The following ELOVL7 variants were observed in gnomAD, a reference collection of about 807,000 sequenced individuals.
The protein encoded by ELOVL7 is very long chain fatty acid elongase 7.
Under a neutral mutation model 35.7 loss-of-function variants are expected in ELOVL7, and 27 were observed. The observed-to-expected ratio is 0.76, with a 90% CI of 0.56 to 1.04. ELOVL7 has a LOEUF of 1.04. Among genes scored for constraint, ELOVL7 ranks in the 50% least tolerant of loss-of-function variants. The pLI is 0.00. For synonymous variants in ELOVL7, 113 were observed against 114.6 expected (o/e 0.99, Z 0.09); for missense variants, 327 against 340.8 (o/e 0.96, Z 0.32).
At chr5:60,829,837 G>T (rs750886057) in intron 1 of ELOVL7, among the ~76,000 whole-genome samples, 3 of 152,156 alleles carry the variant, frequency 2.0e-5, no homozygotes, top group Non-Finnish European at 4.4e-5. Context: ...GCTTAGGCAA[G>T]GTTCATGAGT....
chr5:60,789,871 C>T (rs1303405318), intron 2 of ELOVL7, among the ~76,000 whole-genome samples: 1 of 152,214 alleles, frequency 6.6e-6, no homozygotes, highest in African/African-American at 2.4e-5. Context: ...GGCGCAGTGG[C>T]TCACGTCTGT....
At chr5:60,787,309 T>C in intron 3 of ELOVL7, 25 bp downstream of exon 3, 1 of 1,557,540 alleles carries the variant, frequency 6.4e-7, no homozygotes, top group Non-Finnish European at 8.7e-7. Flanking sequence ...AGGATGAACC[T>C]CAATTAGGAA....
At chr5:60,811,753 C>G (rs1172008683) in intron 1 of ELOVL7, among the ~76,000 whole-genome samples, 4 of 152,142 alleles carry the variant, frequency 2.6e-5, no homozygotes, top group Non-Finnish European at 4.4e-5. Context: ...AGCAAGAAGG[C>G]CCTCACCAGA....
intron 4 of ELOVL7, chr5:60,768,532 G>A: frequency 6.7e-6 from 2 of 300,354 alleles, no homozygotes; most frequent in East Asian, 8.0e-5. Flanking sequence ...AGTGCAATCT[G>A]GCAGGCCTTA....
intron 1 of ELOVL7, among the ~76,000 whole-genome samples, chr5:60,821,127 T>C (rs903695986): frequency 1.3e-5 from 2 of 152,230 alleles, no homozygotes; most frequent in Non-Finnish European, 2.9e-5. Context: ...CCATCCACTG[T>C]ACACAAGGCC....
rs781250032 is a variant in ELOVL7, at chr5:60,771,958, G to A, written c.200C>T (p.Ala67Val). ...ENRKPFELKK[A>V]MITYNFFIVL... ...TATGAAAAAATTGTACGTTATCATT[G>A]CTTTCTTGAGTTCAAAGGGCTTGCG... The change falls in exon 4 of 9, where the codon GCA (alanine) becomes GTA (valine). Residue 67 changes from alanine to valine, a missense_variant. By Grantham distance (64) the Ala-to-Val change is moderately conservative. Transcript: ENST00000508821. 6.2e-7 allele frequency: 1 copy of A among 1,613,836 alleles called. No homozygotes were observed. The highest frequency in any genetic ancestry group is 8.5e-7 in the Non-Finnish European group (1 of 1,179,858).
chr5:60,835,067 G>A (rs1412195770), intron 1 of ELOVL7, among the ~76,000 whole-genome samples: 3 of 151,528 alleles, frequency 2.0e-5, no homozygotes, highest in East Asian at 1.9e-4. Context: ...GCACACACCC[G>A]TAGTCCCAGT....
intron 1 of ELOVL7, among the ~76,000 whole-genome samples, chr5:60,810,012 A>G (rs773608234): frequency 1.3e-5 from 2 of 152,190 alleles, no homozygotes; most frequent in African/African-American, 2.4e-5. Flanking sequence ...TCCTTGGGCT[A>G]CAGGAAAAAA....
chr5:60,802,214 T>C (rs1744687385), intron 1 of ELOVL7, among the ~76,000 whole-genome samples: 1 of 151,488 alleles, frequency 6.6e-6, no homozygotes, highest in South Asian at 2.1e-4. Flanking sequence ...TGAAACCATT[T>C]ACTTTAGGTA....
At chr5:60,768,109 T>A (rs1742354945) in intron 4 of ELOVL7, among the ~76,000 whole-genome samples, 1 of 152,222 alleles carries the variant, frequency 6.6e-6, no homozygotes, top group Non-Finnish European at 1.5e-5. Flanking sequence ...ACTCATATAT[T>A]ATTTATATAA....
chr5:60,796,634 T>C (rs1244561088), intron 2 of ELOVL7, among the ~76,000 whole-genome samples: 1 of 152,266 alleles, frequency 6.6e-6, no homozygotes, highest in Non-Finnish European at 1.5e-5. Context: ...GTAATCACTT[T>C]GGCAATTACA....
At chr5:60,815,318 A>C (rs1181123074) in intron 1 of ELOVL7, among the ~76,000 whole-genome samples, 7 of 152,224 alleles carry the variant, frequency 4.6e-5, no homozygotes, top group African/African-American at 1.2e-4. Flanking sequence ...GCTTGGAAAG[A>C]ATTTTAGGAT....
chr5:60,828,394 TC>T (rs1435478893), intron 1 of ELOVL7, among the ~76,000 whole-genome samples: 1 of 152,206 alleles, frequency 6.6e-6, no homozygotes, highest in African/African-American at 2.4e-5. Flanking sequence ...CTACTGAAAT[TC>T]TAAGAATAAA....
intron 2 of ELOVL7, among the ~76,000 whole-genome samples, chr5:60,788,873 T>A (rs1743757797): frequency 6.6e-6 from 1 of 152,116 alleles, no homozygotes; most frequent in African/African-American, 2.4e-5. Context: ...TTTACTTACG[T>A]AAGTATAGGT....
chr5:60,782,954 G>T (rs1743351936), intron 3 of ELOVL7, among the ~76,000 whole-genome samples: 1 of 152,158 alleles, frequency 6.6e-6, no homozygotes, highest in Non-Finnish European at 1.5e-5. Context: ...ACCATAAAAA[G>T]ATAAGTATTT....
chr5:60,800,332 G>A (rs1159134885), intron 1 of ELOVL7, among the ~76,000 whole-genome samples: 1 of 152,114 alleles, frequency 6.6e-6, no homozygotes, highest in Non-Finnish European at 1.5e-5. Context: ...TTCAACAAAT[G>A]CAAATCAATA....
rs1382169405 is a variant in ELOVL7, at chr5:60,787,370, T to A, written c.28A>T (p.Thr10Ser). 2 of 1,605,582 alleles carry A rather than the reference T, an allele frequency of 1.2e-6. No homozygotes were observed. Among genetic ancestry groups the A allele is most frequent in the Non-Finnish European group, 1.7e-6 (2 of 1,177,202 alleles). The change falls in exon 3 of 9, where the codon ACT (threonine) becomes TCT (serine). Residue 10 changes from threonine to serine, a missense_variant. Thr to Ser is a moderately conservative substitution (Grantham distance 58). Coordinates refer to ENST00000508821, the MANE Select transcript of ELOVL7 (RefSeq NM_024930.3). MAFSDLTSRTVHLYDNWIKD... is the reference protein window; with the variant it reads MAFSDLTSRSVHLYDNWIKD... ...ATCCAATTATCATAAAGATGCACAG[T>A]CCTCGATGTAAGATCACTGAAGGCC... is the stretch of plus-strand genomic sequence containing the variant.
chr5:60,825,822 G>A (rs1746138402), intron 1 of ELOVL7, among the ~76,000 whole-genome samples: 1 of 152,210 alleles, frequency 6.6e-6, no homozygotes, highest in Non-Finnish European at 1.5e-5. Context: ...ATAATACCCA[G>A]TAAAGGGTTT....
intron 2 of ELOVL7, among the ~76,000 whole-genome samples, chr5:60,790,223 T>C (rs1469995743): frequency 6.6e-6 from 1 of 152,096 alleles, no homozygotes; most frequent in African/African-American, 2.4e-5. Context: ...GTCTTATGAA[T>C]ATAATTTTAC....
Sources: gnomAD v4.1 joint callset for allele counts (sites outside exome capture counted in the v4.1 genomes callset) on GRCh38, gnomAD v4.1.1 for gene constraint, MANE v1.5 for transcripts, NCBI Gene and HGNC (gene_info 2026-07-23, HGNC 2026-07-21) for gene names.